Variants in CSMD3 observed in about 807,000 individuals in gnomAD.
CSMD3 encodes the protein CUB and sushi domain-containing protein 3.
CSMD3 carries 177 observed loss-of-function variants against 435.2 expected under a neutral mutation model. The ratio of observed to expected loss-of-function variants is 0.41; its 90% CI spans 0.36 to 0.46. The LOEUF is 0.46. CSMD3 is among the 20% of genes least tolerant of loss of function. The pLI is 0.34. For synonymous variants in CSMD3, 1,656 were observed against 1,520.5 expected (o/e 1.09, Z -2.07); for missense variants, 4,265 against 4,504.6 (o/e 0.95, Z 1.52).
At chr8:113,107,963 AGT>A (rs2090530669) in intron 4 of CSMD3, among the ~76,000 whole-genome samples, 1 of 152,216 alleles carries the variant, frequency 6.6e-6, no homozygotes, top group Non-Finnish European at 1.5e-5. Context: ...AATGAATATA[AGT>A]ATTTAAATTG....
At position 112,452,800 on chromosome 8, in the gene CSMD3, C is replaced by T. The variant is rs567342825; in HGVS notation, c.5395+19791G>A. Among the ~76,000 whole-genome samples the T allele has an allele frequency of 8.7e-4, 132 of 152,246 alleles. 1 individual carries two copies. The highest frequency in any genetic ancestry group is 1.0e-3 in the Non-Finnish European group (69 of 68,008). Reference sequence around the variant, plus strand: ...ATTCTAACACAGCTAACCTACACTCCATCCTTCTCTGCAAATTATAAAAAT... The same window carrying T: ...ATTCTAACACAGCTAACCTACACTCTATCCTTCTCTGCAAATTATAAAAAT... On this transcript the variant is annotated intron_variant, in intron 32 of 70. Coordinates refer to ENST00000297405, the MANE Select transcript of CSMD3 (RefSeq NM_198123.2).
intron 6 of CSMD3, among the ~76,000 whole-genome samples, chr8:112,979,731 G>T (rs570822917): frequency 6.6e-6 from 1 of 151,230 alleles, no homozygotes; most frequent in Non-Finnish European, 1.5e-5. Context: ...GGAAGAAAAC[G>T]TACATTCAGA....
chr8:112,585,618 A>G (rs570341239), intron 23 of CSMD3, among the ~76,000 whole-genome samples: 1 of 151,826 alleles, frequency 6.6e-6, no homozygotes, highest in East Asian at 1.9e-4. Context: ...ATACCAGTAT[A>G]GGAAAGAAAT....
intron 59 of CSMD3, among the ~76,000 whole-genome samples, chr8:112,268,538 A>G (rs1352466872): frequency 6.6e-6 from 1 of 152,222 alleles, no homozygotes; most frequent in Non-Finnish European, 1.5e-5. Context: ...TTTATTCAAT[A>G]TCTAATGGAT....
At chr8:113,251,592 A>G (rs1261332966) in intron 3 of CSMD3, among the ~76,000 whole-genome samples, 1 of 152,032 alleles carries the variant, frequency 6.6e-6, no homozygotes, top group East Asian at 1.9e-4. Context: ...TCTATTGTTT[A>G]GCTGTAAGTT....
intron 5 of CSMD3, among the ~76,000 whole-genome samples, chr8:113,046,739 C>T (rs926280545): frequency 2.6e-5 from 4 of 152,190 alleles, no homozygotes; most frequent in African/African-American, 9.7e-5. Flanking sequence ...ATAAGGGAGT[C>T]AGGGACTTGG....
chr8:113,214,822 G>T (rs1046489319), intron 3 of CSMD3, among the ~76,000 whole-genome samples: 1 of 151,690 alleles, frequency 6.6e-6, no homozygotes, highest in African/African-American at 2.4e-5. Flanking sequence ...AAATTATAAA[G>T]ATATCTTGAG....
chr8:112,773,163 G>T (rs895115157), intron 13 of CSMD3, among the ~76,000 whole-genome samples: 19 of 151,866 alleles, frequency 1.3e-4, no homozygotes, highest in Non-Finnish European at 1.9e-4. Context: ...AGGAAAAAAT[G>T]CTAACAGAAT....
intron 8 of CSMD3, among the ~76,000 whole-genome samples, chr8:112,948,102 A>G (rs2083679310): frequency 1.2e-5 from 1 of 85,194 alleles, no homozygotes; most frequent in African/African-American, 8.0e-5. Flanking sequence ...AATGACTTGT[A>G]TTAGTCTTGC....
At chr8:112,819,489 G>T (rs146161408) in intron 12 of CSMD3, among the ~76,000 whole-genome samples, 2 of 152,180 alleles carry the variant, frequency 1.3e-5, no homozygotes, top group Non-Finnish European at 2.9e-5. Context: ...GAGTCCTAGA[G>T]TTCGAAGGAA....
At chr8:112,279,583 C>T (rs1220535439) in intron 59 of CSMD3, among the ~76,000 whole-genome samples, 1 of 152,100 alleles carries the variant, frequency 6.6e-6, no homozygotes, top group Non-Finnish European at 1.5e-5. Context: ...AAAACAAGGT[C>T]TACAGTAATT....
rs190280148 is a variant in CSMD3 at position 112,619,828 on chromosome 8, C to T, written c.3715+16989G>A. Among the ~76,000 whole-genome samples, 12 of 151,962 alleles carry T rather than the reference C, an allele frequency of 7.9e-5. No individual in the cohort carries two copies. In the East Asian group the frequency reaches 9.7e-4, roughly 12 times the overall value. Reference sequence around the variant, plus strand: ...CTATCTTAAAAAAAAAAATCACTTTCGATCATGTGATCAAACAGTATCCAG... The same window carrying T: ...CTATCTTAAAAAAAAAAATCACTTTTGATCATGTGATCAAACAGTATCCAG... On this transcript the variant is annotated intron_variant, in intron 22 of 70. Transcript: ENST00000297405.
intron 32 of CSMD3, among the ~76,000 whole-genome samples, chr8:112,418,479 T>C (rs1290666502): frequency 1.3e-5 from 2 of 152,170 alleles, no homozygotes; most frequent in Admixed American, 1.3e-4. Context: ...AAAGTACTTA[T>C]TGTATAAATA....
rs975841288 is a variant in CSMD3, at chr8:112,756,535, C to G, written c.1972+43627G>C. On this transcript the variant is annotated intron_variant, in intron 13 of 70. Transcript: ENST00000297405. ...TTTAATTTTCCATCATGGAAGAACA[C>G]TTTCCAGAAATAGGAATTGTAAGAA... 2.2e-4 allele frequency among the ~76,000 whole-genome samples: 33 copies of G among 152,150 alleles called. 1 individual carries two copies. The highest frequency in any genetic ancestry group is 1.4e-3 in the Admixed American group (22 of 15,272).
chr8:112,324,959 A>G (rs1392837025), intron 45 of CSMD3, among the ~76,000 whole-genome samples: 1 of 152,130 alleles, frequency 6.6e-6, no homozygotes, highest in Non-Finnish European at 1.5e-5. Context: ...TTACGCATTA[A>G]ATTAAAAGTC....
intron 3 of CSMD3, among the ~76,000 whole-genome samples, chr8:113,241,345 G>T (rs1001861141): frequency 6.6e-6 from 1 of 152,034 alleles, no homozygotes; most frequent in African/African-American, 2.4e-5. Flanking sequence ...ATTATGGAAG[G>T]AGATTCATAC....
intron 19 of CSMD3, among the ~76,000 whole-genome samples, chr8:112,647,030 A>G (rs927585634): frequency 6.6e-6 from 1 of 152,118 alleles, no homozygotes; most frequent in Admixed American, 6.6e-5. Context: ...CTTTTGAGAA[A>G]AATGCTGTAA....
intron 15 of CSMD3, 37 bp from the exon 16 acceptor site, chr8:112,682,673 A>C (rs1340283427): frequency 1.5e-6 from 2 of 1,340,688 alleles, no homozygotes; most frequent in Non-Finnish European, 2.1e-6. Context: ...ACACAAACAA[A>C]CAACATTAGC....
At chr8:112,268,775 A>G (rs1424390082) in intron 59 of CSMD3, among the ~76,000 whole-genome samples, 1 of 151,966 alleles carries the variant, frequency 6.6e-6, no homozygotes, top group African/African-American at 2.4e-5. Flanking sequence ...ACAGAGTTCT[A>G]CTGTAGCAAA....
Sources: gnomAD v4.1 joint callset for allele counts (sites outside exome capture counted in the v4.1 genomes callset) on GRCh38, gnomAD v4.1.1 for gene constraint, MANE v1.5 for transcripts, NCBI Gene and HGNC (gene_info 2026-07-23, HGNC 2026-07-21) for gene names.